The following NEK5 variants were observed in gnomAD, a reference collection of about 807,000 sequenced individuals.
NEK5 encodes NIMA related kinase 5, also known as serine/threonine-protein kinase Nek5.
A neutral mutation model predicts 109.2 loss-of-function variants in NEK5; 88 were observed. The ratio of observed to expected loss-of-function variants is 0.81; its 90% CI spans 0.68 to 0.96. NEK5 has a LOEUF of 0.96. Ranked by LOEUF, NEK5 falls within the 40% of genes least tolerant of loss-of-function variation. The probability of loss-of-function intolerance (pLI) is 0.00; values close to 1 mark genes in which losing one functional copy is unlikely to be tolerated. For synonymous variants in NEK5, 283 were observed against 299.9 expected (o/e 0.94, Z 0.58); for missense variants, 834 against 920.7 (o/e 0.91, Z 1.22).
rs1024809944 is a variant in NEK5 at position 52,102,230 on chromosome 13, T to C, written c.672A>G (p.Ile224Met). The C allele has an allele frequency of 1.9e-6, 3 of 1,614,010 alleles. No homozygotes were observed. The highest frequency in any genetic ancestry group is 1.3e-5 in the African/African-American group (1 of 75,028). ...LKICQAHFAP[I>M]SPGFSRELHS... ...GGAGCTCACGAGAAAACCCCGGAGA[T>C]ATTGGGGCAAAATGTGCTTGACAAA... The change falls in exon 10 of 24, where the codon ATA (isoleucine) becomes ATG (methionine). Residue 224 changes from isoleucine (I) to methionine (M), a missense_variant. This residue lies in a region of NEK5 where 777 missense variants were observed against 824.7 expected (regional missense o/e 0.94). Transcript: ENST00000684899.
chr13:52,090,212 T>C (rs1261978080), intron 13 of NEK5, among the ~76,000 whole-genome samples: 1 of 152,240 alleles, frequency 6.6e-6, no homozygotes, highest in Non-Finnish European at 1.5e-5. Flanking sequence ...ATTTTATGTA[T>C]CTTTTTTTTG....
intron 19 of NEK5, among the ~76,000 whole-genome samples, chr13:52,073,716 G>A (rs918468196): frequency 5.3e-5 from 8 of 152,022 alleles, no homozygotes; most frequent in Admixed American, 5.2e-4. Flanking sequence ...TGATACTATA[G>A]GTTGAAAACC....
At chr13:52,069,134 T>TA (rs1017426547) in intron 20 of NEK5, among the ~76,000 whole-genome samples, 2 of 152,010 alleles carry the variant, frequency 1.3e-5, no homozygotes, top group African/African-American at 2.4e-5. Context: ...TTCTTTCATC[T>TA]AAAAAACAGC....
At position 52,035,874 on chromosome 13, in the gene NEK5, A is replaced by G. The variant is rs2140865322; in HGVS notation, c.*1074T>C. 6.6e-6 allele frequency: 1 copy of G among 151,932 alleles called. No homozygotes were observed. The highest frequency in any genetic ancestry group is 1.9e-4 in the East Asian group (1 of 5,184). The allele number at this position is 151,932 out of a possible 1,614,324, so 9.4% of individuals were successfully genotyped here. A position where few individuals can be genotyped will look rare whatever the true frequency, so the allele number is the denominator to read the frequency against. On this transcript the variant is annotated 3_prime_UTR_variant, in exon 24 of 24. Transcript: ENST00000684899. ...CATCAGCTTCAAAAAAGTGTATTCA[A>G]TGCAACAAGAAACTTCAAAATCACA...
intron 22 of NEK5, among the ~76,000 whole-genome samples, chr13:52,055,504 C>A (rs1288838193): frequency 6.6e-6 from 1 of 152,076 alleles, no homozygotes; most frequent in Non-Finnish European, 1.5e-5. Context: ...TTGTCAGATT[C>A]ACCAAAGTTG....
rs1285414773 is a variant in NEK5, at chr13:52,034,907, A to ATTGAC, written c.*2036_*2040dup. 7.8e-6 allele frequency: 1 copy of ATTGAC among 127,406 alleles called. No individual in the cohort carries two copies. The highest frequency in any genetic ancestry group is 2.8e-5 in the African/African-American group (1 of 35,824). The allele number at this position is 127,406 out of a possible 1,614,324, so 7.9% of individuals were successfully genotyped here. A position where few individuals can be genotyped will look rare whatever the true frequency, so the allele number is the denominator to read the frequency against. On this transcript the variant is annotated 3_prime_UTR_variant, in exon 24 of 24. Coordinates refer to ENST00000684899, the MANE Select transcript of NEK5 (RefSeq NM_001365552.1). ...TTTTTTTTTTTTTTTTTTGCCCTTA[A>ATTGAC]TTGACTTGATCTTTGGATGTTTGAG...
At position 52,119,951 on chromosome 13, in the gene NEK5, T is replaced by C. The variant is rs191292392; in HGVS notation, c.118-536A>G. Among the ~76,000 whole-genome samples, 911 of 152,300 alleles carry C rather than the reference T, an allele frequency of 6.0e-3. 10 individuals carry two copies. The highest frequency in any genetic ancestry group is 0.021 in the African/African-American group (877 of 41,546). ...TATTTTCTTGTTCTACTTTCACCTATAGACAATACTTGCCAAGGGGTTTGG... is the reference window on the plus strand; with the variant it reads ...TATTTTCTTGTTCTACTTTCACCTACAGACAATACTTGCCAAGGGGTTTGG... On this transcript the variant is annotated intron_variant, in intron 3 of 23. Transcript: ENST00000684899.
At chr13:52,106,152 C>T (rs577840283) in intron 8 of NEK5, among the ~76,000 whole-genome samples, 1 of 150,838 alleles carries the variant, frequency 6.6e-6, no homozygotes, top group South Asian at 2.1e-4. Context: ...AACTTGAGGC[C>T]AAACTCCTTG....
chr13:52,119,472 G>A, intron 3 of NEK5, 57 bp from the exon 4 acceptor site: 4 of 828,776 alleles, frequency 4.8e-6, no homozygotes, highest in Non-Finnish European at 7.8e-6. Flanking sequence ...TCAAGAACAT[G>A]CTTTCTGCTC....
chr13:52,076,679 T>C (rs1954874534), intron 17 of NEK5, among the ~76,000 whole-genome samples: 1 of 152,360 alleles, frequency 6.6e-6, no homozygotes, highest in South Asian at 2.1e-4. Flanking sequence ...CATTCATTCC[T>C]ATGGATTTAA....
At chr13:52,071,685 C>G (rs1396483552) in intron 20 of NEK5, among the ~76,000 whole-genome samples, 1 of 152,122 alleles carries the variant, frequency 6.6e-6, no homozygotes, top group Non-Finnish European at 1.5e-5. Flanking sequence ...ATGAGAAAGA[C>G]TGGTAAGTCT....
chr13:52,085,344 T>C (rs1301662449), intron 16 of NEK5, among the ~76,000 whole-genome samples: 1 of 152,228 alleles, frequency 6.6e-6, no homozygotes, highest in African/African-American at 2.4e-5. Context: ...TTTTTCTTTA[T>C]AAATTACCCA....
At position 52,127,493 on chromosome 13, in the gene NEK5, G is replaced by A; in HGVS notation, c.-11C>T. 1 of 1,439,604 alleles carries A rather than the reference G, an allele frequency of 6.9e-7. No homozygotes were observed. The highest frequency in any genetic ancestry group is 2.3e-5 in the East Asian group (1 of 44,054). 89.2% of individuals were successfully genotyped at this position (1,439,604 alleles called of 1,614,324 possible). On this transcript the variant is annotated 5_prime_UTR_variant, in exon 3 of 24. Coordinates refer to ENST00000684899, the MANE Select transcript of NEK5 (RefSeq NM_001365552.1). ...ATCGTACTTATCCATGGTCTCCAAT[G>A]GGCTGAGTTTCCTGGAATTAGAGTA...
intron 16 of NEK5, among the ~76,000 whole-genome samples, chr13:52,084,390 T>A (rs1028773454): frequency 6.6e-6 from 1 of 152,102 alleles, no homozygotes; most frequent in South Asian, 2.1e-4. Flanking sequence ...ACTAATTTTT[T>A]AAATTTTTTG....
chr13:52,061,440 C>A (rs1414431043), intron 22 of NEK5, among the ~76,000 whole-genome samples: 1 of 152,134 alleles, frequency 6.6e-6, no homozygotes, highest in Non-Finnish European at 1.5e-5. Flanking sequence ...AGGAAAAAAA[C>A]AAATGATATT....
At chr13:52,126,971 C>T (rs1262514648) in intron 3 of NEK5, among the ~76,000 whole-genome samples, 1 of 152,152 alleles carries the variant, frequency 6.6e-6, no homozygotes, top group Non-Finnish European at 1.5e-5. Flanking sequence ...GCTGGCATCT[C>T]ACAGGGCCTT....
intron 22 of NEK5, among the ~76,000 whole-genome samples, chr13:52,060,842 A>G (rs920220500): frequency 1.3e-5 from 2 of 152,108 alleles, no homozygotes; most frequent in African/African-American, 4.8e-5. Flanking sequence ...ACAAACCCTC[A>G]TTATGATGTG....
chr13:52,098,348 T>C (rs928042009), intron 12 of NEK5, among the ~76,000 whole-genome samples: 5 of 152,082 alleles, frequency 3.3e-5, no homozygotes, highest in Non-Finnish European at 5.9e-5. Context: ...AATCGGTTTT[T>C]AAAAAAATGT....
At chr13:52,112,418 C>T (rs1955776321) in intron 4 of NEK5, 53 bp from the exon 5 acceptor site, 1 of 1,176,266 alleles carries the variant, frequency 8.5e-7, no homozygotes, top group African/African-American at 1.5e-5. Flanking sequence ...ATTTATCAGC[C>T]ATGTTCTGGC....
Sources: gnomAD v4.1 joint callset for allele counts (sites outside exome capture counted in the v4.1 genomes callset) on GRCh38, gnomAD v4.1.1 for gene constraint, gnomAD v4.1.1 regional missense constraint, MANE v1.5 for transcripts, NCBI Gene and HGNC (gene_info 2026-07-23, HGNC 2026-07-21) for gene names.